LUC7L2: variants seen among roughly 807,000 people sequenced by gnomAD.
LUC7L2 encodes the protein LUC7 like 2, pre-mRNA splicing factor.
Under a neutral mutation model 52.8 loss-of-function variants are expected in LUC7L2, and 25 were observed. The ratio of observed to expected loss-of-function variants is 0.47; its 90% confidence interval spans 0.34 to 0.66. LUC7L2 has a LOEUF of 0.66. LUC7L2 is among the 30% of genes least tolerant of loss of function. LUC7L2 has a pLI of 0.01. For synonymous variants in LUC7L2, 144 were observed against 160.9 expected (o/e 0.89, Z 0.80); for missense variants, 328 against 497.8 (o/e 0.66, Z 3.25).
intron 1 of LUC7L2, among the ~76,000 whole-genome samples, chr7:139,370,629 A>G (rs1800396903): frequency 6.6e-6 from 1 of 151,804 alleles, no homozygotes; most frequent in Non-Finnish European, 1.5e-5. Flanking sequence ...TAATTTTTAT[A>G]TTTTTAGTAG....
At chr7:139,350,094 T>C (rs1006369425) in intron 1 of LUC7L2, among the ~76,000 whole-genome samples, 1 of 152,178 alleles carries the variant, frequency 6.6e-6, no homozygotes, top group Non-Finnish European at 1.5e-5. Flanking sequence ...CAGCTTCTTT[T>C]GTTGAGCATA....
chr7:139,360,760 C>T lies in LUC7L2; in HGVS notation c.61+438C>T, dbSNP rs377162890. Among the ~76,000 whole-genome samples, 15 of 152,238 alleles carry T rather than the reference C, an allele frequency of 9.9e-5. No individual in the cohort carries two copies. In the East Asian group the frequency reaches 2.5e-3, roughly 26 times the overall value. ...CTCCAGAGTACCTAGAGAGAAGCTT[C>T]CCCCTCCTCTTCCTGGGTCAGGAGG... On this transcript the variant is annotated intron_variant, in intron 1 of 9. Transcript: ENST00000354926.
chr7:139,380,609 TAATA>T (rs1203679395), intron 2 of LUC7L2, among the ~76,000 whole-genome samples: 1 of 152,122 alleles, frequency 6.6e-6, no homozygotes, highest in Non-Finnish European at 1.5e-5. Flanking sequence ...AAAAAAATAA[TAATA>T]AAATAAGAAG....
chr7:139,402,054 A>C, intron 3 of LUC7L2, 83 bp from the exon 4 acceptor site: 2 of 1,408,468 alleles, frequency 1.4e-6, no homozygotes, highest in East Asian at 5.4e-5. Context: ...GCATTTTAAA[A>C]AGCAAAGTGT....
At chr7:139,341,045 C>A (rs186975421) in intron 1 of LUC7L2, 6 of 231,292 alleles carry the variant, frequency 2.6e-5, no homozygotes, top group East Asian at 9.3e-5. Context: ...CCCACACCCC[C>A]CGCCGGGCCC....
At chr7:139,360,346 G>A (rs763803073) in intron 1 of LUC7L2, 24 bp downstream of exon 1, 57 of 1,549,442 alleles carry the variant, frequency 3.7e-5, no homozygotes, top group Non-Finnish European at 4.7e-5. Context: ...AGGGCCCTGG[G>A]GGTGGGGGAG....
At chr7:139,392,810 G>C (rs986127656) in intron 2 of LUC7L2, among the ~76,000 whole-genome samples, 1 of 151,428 alleles carries the variant, frequency 6.6e-6, no homozygotes, top group Non-Finnish European at 1.5e-5. Context: ...GCACCACCAC[G>C]CCCGGCTAAT....
chr7:139,412,734 A>G, intron 8 of LUC7L2, 154 bp downstream of exon 8: 2 of 852,850 alleles, frequency 2.3e-6, no homozygotes, highest in Non-Finnish European at 3.3e-6. Context: ...AGGCTGAGGC[A>G]GAATTGCTTG....
intron 2 of LUC7L2, 55 bp downstream of exon 2, chr7:139,376,211 A>G: frequency 6.4e-7 from 1 of 1,563,772 alleles, no homozygotes. Context: ...GTAATGAACT[A>G]CTTGATAAAG....
At chr7:139,391,650 A>G (rs554719459) in intron 2 of LUC7L2, among the ~76,000 whole-genome samples, 60 of 152,188 alleles carry the variant, frequency 3.9e-4, no homozygotes, top group African/African-American at 1.4e-3. Flanking sequence ...GGGCAGTGAC[A>G]TGATCTTGGC....
intron 1 of LUC7L2, among the ~76,000 whole-genome samples, chr7:139,350,644 C>T (rs1007138587): frequency 1.3e-5 from 2 of 151,312 alleles, no homozygotes; most frequent in African/African-American, 4.9e-5. Context: ...TGGGCAATTC[C>T]CTGCTTTTCC....
intron 1 of LUC7L2, chr7:139,363,195 G>A (rs1283720824): frequency 4.1e-6 from 4 of 985,172 alleles, no homozygotes; most frequent in Non-Finnish European, 3.6e-6. Flanking sequence ...GGTGGCAACC[G>A]CCTGTGTGCC....
chr7:139,415,481 G>A (rs1487398356), intron 8 of LUC7L2, among the ~76,000 whole-genome samples: 1 of 151,604 alleles, frequency 6.6e-6, no homozygotes, highest in African/African-American at 2.4e-5. Context: ...GTGGTTAAAC[G>A]AAGTATGATT....
At chr7:139,367,690 T>A (rs569094768) in intron 1 of LUC7L2, among the ~76,000 whole-genome samples, 1 of 152,200 alleles carries the variant, frequency 6.6e-6, no homozygotes, top group Non-Finnish European at 1.5e-5. Context: ...CCTAAGCCTG[T>A]AAGCAGAAAT....
chr7:139,348,011 A>G (rs1050348985), intron 1 of LUC7L2, among the ~76,000 whole-genome samples: 1 of 151,954 alleles, frequency 6.6e-6, no homozygotes, highest in African/African-American at 2.4e-5. Context: ...ACATATGTTT[A>G]TTTGTTCTCT....
At chr7:139,409,967 G>A (rs1412974927) in intron 7 of LUC7L2, among the ~76,000 whole-genome samples, 3 of 152,268 alleles carry the variant, frequency 2.0e-5, no homozygotes, top group East Asian at 3.9e-4. Context: ...CAGCACTTTG[G>A]GAGGCCGAGG....
At chr7:139,395,888 TC>T (rs1474664277) in intron 2 of LUC7L2, among the ~76,000 whole-genome samples, 2 of 152,162 alleles carry the variant, frequency 1.3e-5, no homozygotes, top group Admixed American at 6.5e-5. Context: ...GCTTAAGTGA[TC>T]CTCCCACCTT....
At chr7:139,384,235 C>T (rs1474142031) in intron 2 of LUC7L2, among the ~76,000 whole-genome samples, 1 of 152,054 alleles carries the variant, frequency 6.6e-6, no homozygotes, top group Non-Finnish European at 1.5e-5. Context: ...ATGTGGAGAT[C>T]TGATGTTTTT....
At chr7:139,379,549 CTTTTTTTTTTTTTTTTTTTTTTTT>C (rs539771697) in intron 2 of LUC7L2, among the ~76,000 whole-genome samples, 6 of 52,682 alleles carry the variant, frequency 1.1e-4, no homozygotes, top group African/African-American at 4.4e-4. Context: ...ATAACTAATG[CTTTTTTTTTTTTTTTTTTTTTTTT>C]TTTTTTTTTT....
Sources: gnomAD v4.1 joint callset for allele counts (sites outside exome capture counted in the v4.1 genomes callset) on GRCh38, gnomAD v4.1.1 for gene constraint, MANE v1.5 for transcripts, NCBI Gene and HGNC (gene_info 2026-07-23, HGNC 2026-07-21) for gene names.